The following LPP variants were observed in gnomAD, a reference collection of about 807,000 sequenced individuals.
LPP encodes the protein lipoma-preferred partner.
A neutral mutation model predicts 60.4 loss-of-function variants in LPP; 38 were observed. That is an observed-to-expected ratio of 0.63 (90% CI 0.49 to 0.83). The LOEUF is 0.83. Ranked by LOEUF, LPP falls within the 40% of genes least tolerant of loss-of-function variation. The pLI, the probability that LPP is intolerant of heterozygous loss-of-function variation, is 0.00. For synonymous variants in LPP, 328 were observed against 290.8 expected, an observed-to-expected ratio of 1.13 and a Z score of -1.30; for missense variants, 902 against 783.6, an observed-to-expected ratio of 1.15 and a Z score of -1.80.
chr3:188,870,681 G>A (rs939478880), intron 10 of LPP, among the ~76,000 whole-genome samples: 26 of 152,136 alleles, frequency 1.7e-4, no homozygotes, highest in African/African-American at 5.3e-4. Context: ...TTACTTTTAC[G>A]ATTATTGTCC....
intron 2 of LPP, among the ~76,000 whole-genome samples, chr3:188,287,671 C>G (rs994458110): frequency 6.6e-6 from 1 of 152,118 alleles, no homozygotes; most frequent in Non-Finnish European, 1.5e-5. Flanking sequence ...TTGCTTCATT[C>G]TTTATGTAGT....
intron 2 of LPP, among the ~76,000 whole-genome samples, chr3:188,258,059 A>G (rs1193558290): frequency 6.6e-6 from 1 of 152,234 alleles, no homozygotes; most frequent in Admixed American, 6.5e-5. Flanking sequence ...GATGCTCATG[A>G]CACTTCTGTG....
At position 188,884,505 on chromosome 3, in the gene LPP, T is replaced by C. The variant is rs1191505754; in HGVS notation, c.*10026T>C. Reference sequence around the variant, plus strand: ...TCTAGGTATTCTGTCTGATCAGCACTGTGAGGAAGTTGGTGGGAAAAGGCC... The same window carrying C: ...TCTAGGTATTCTGTCTGATCAGCACCGTGAGGAAGTTGGTGGGAAAAGGCC... On this transcript the variant is annotated 3_prime_UTR_variant, in exon 12 of 12. Transcript: ENST00000617246. 2.6e-5 allele frequency: 6 copies of C among 229,216 alleles called. No homozygotes were observed. The East Asian group carries it at 3.1e-4, about 12-fold the overall frequency. The allele number at this position is 229,216 out of a possible 1,614,324, so 14.2% of individuals were successfully genotyped here. A position where few individuals can be genotyped will look rare whatever the true frequency, so the allele number is the denominator to read the frequency against.
intron 5 of LPP, among the ~76,000 whole-genome samples, chr3:188,508,572 T>G (rs1814249623): frequency 6.6e-6 from 1 of 152,218 alleles, no homozygotes; most frequent in African/African-American, 2.4e-5. Context: ...TGCCAACTTA[T>G]AGTTGATTTA....
intron 2 of LPP, among the ~76,000 whole-genome samples, chr3:188,293,308 C>T (rs560166521): frequency 6.9e-4 from 105 of 152,214 alleles, no homozygotes; most frequent in Non-Finnish European, 1.0e-3. Context: ...TCTAAGCCTG[C>T]CCGCCTGGGG....
intron 7 of LPP, among the ~76,000 whole-genome samples, chr3:188,630,655 G>C (rs1470614376): frequency 6.6e-6 from 1 of 152,102 alleles, no homozygotes; most frequent in African/African-American, 2.4e-5. Flanking sequence ...TATTAAGTTG[G>C]TGCAAAAGTA....
intron 5 of LPP, among the ~76,000 whole-genome samples, chr3:188,485,791 C>T (rs1188686949): frequency 8.0e-3 from 20 of 2,510 alleles, no homozygotes; most frequent in South Asian, 0.059. Context: ...AGCGAGACTC[C>T]GTCTCAAAAA....
chr3:188,294,266 G>A (rs1467918449), intron 2 of LPP, among the ~76,000 whole-genome samples: 1 of 152,012 alleles, frequency 6.6e-6, no homozygotes, highest in African/African-American at 2.4e-5. Flanking sequence ...TCTTTATATG[G>A]TGGTGATGAT....
At chr3:188,809,343 A>G (rs1205684829) in intron 9 of LPP, among the ~76,000 whole-genome samples, 1 of 151,940 alleles carries the variant, frequency 6.6e-6, no homozygotes, top group African/African-American at 2.4e-5. Flanking sequence ...TGGCCAGCAT[A>G]TATTGTTTCT....
At chr3:188,479,597 T>G (rs1350328176) in intron 4 of LPP, among the ~76,000 whole-genome samples, 2 of 152,184 alleles carry the variant, frequency 1.3e-5, no homozygotes, top group African/African-American at 4.8e-5. Context: ...TGACTAGAGA[T>G]GGGCATATAA....
chr3:188,737,513 G>T (rs114791626), intron 8 of LPP, among the ~76,000 whole-genome samples: 69 of 152,186 alleles, frequency 4.5e-4, no homozygotes, highest in Non-Finnish European at 7.6e-4. Flanking sequence ...TGTTGTTGTT[G>T]TTCTTTTACT....
rs550649737 is a variant in LPP, at chr3:188,159,660, TG to T, written c.-190+5413del. 3.3e-4 allele frequency among the ~76,000 whole-genome samples: 50 copies of T among 152,220 alleles called. 1 individual carries two copies. In the South Asian group the frequency reaches 8.7e-3, roughly 26 times the overall value. On this transcript the variant is annotated intron_variant, in intron 1 of 11. Coordinates refer to ENST00000617246, the MANE Select transcript of LPP (RefSeq NM_001375462.1). Reference sequence around the variant, plus strand: ...CACTGCAGCCACAGGATAGCAATCATGGGGGAGCGGGACTGTTTTTACTGCC... The same window carrying T: ...CACTGCAGCCACAGGATAGCAATCATGGGGAGCGGGACTGTTTTTACTGCC...
rs74389616 is a variant in LPP at position 188,596,902 on chromosome 3, TAGAAACTCTTG to T, written c.430-12258_430-12248del. ...CTTTTACTGAAGTCCGTGAATATGTTAGAAACTCTTGTATGAAAATACAGCAACCCAATTTG... is the reference window on the plus strand; with the variant it reads ...CTTTTACTGAAGTCCGTGAATATGTTTATGAAAATACAGCAACCCAATTTG... On this transcript the variant is annotated intron_variant, in intron 6 of 11. Transcript: ENST00000617246. 2.4e-3 allele frequency among the ~76,000 whole-genome samples: 367 copies of T among 152,316 alleles called. 1 individual carries two copies. The highest frequency in any genetic ancestry group is 0.01 in the Middle Eastern group (3 of 294).
At chr3:188,497,880 G>A (rs901612031) in intron 5 of LPP, among the ~76,000 whole-genome samples, 3 of 152,116 alleles carry the variant, frequency 2.0e-5, no homozygotes, top group Admixed American at 6.5e-5. Context: ...ATAGAAACCA[G>A]TTTTGGGCCA....
At chr3:188,355,253 C>T (rs550271358) in intron 3 of LPP, among the ~76,000 whole-genome samples, 185 of 152,220 alleles carry the variant, frequency 1.2e-3, no homozygotes, top group Non-Finnish European at 1.4e-3. Flanking sequence ...GTGTTCTACC[C>T]GCCTCGGCCT....
intron 9 of LPP, among the ~76,000 whole-genome samples, chr3:188,812,722 A>G (rs534863674): frequency 1.3e-5 from 2 of 151,848 alleles, no homozygotes; most frequent in African/African-American, 2.4e-5. Context: ...TTCCTGGGTA[A>G]TTTTTGAGAT....
chr3:188,708,310 C>T lies in LPP; in HGVS notation c.1157C>T (p.Ser386Leu). The change falls in exon 8 of 12, where the codon TCA becomes TTA. Residue 386 changes from serine to leucine, a missense_variant. By Grantham distance (145) the Ser-to-Leu change is moderately radical. Coordinates refer to ENST00000617246, the MANE Select transcript of LPP (RefSeq NM_001375462.1). Reference protein sequence around the residue: ...GQLGPSSVAPSFRPEDELEHL... With the variant: ...GQLGPSSVAPLFRPEDELEHL... ...CTGGGGCCTTCGTCAGTTGCCCCTT[C>T]ATTCCGCCCAGAGGATGAGCTTGAG... 1.9e-6 allele frequency: 3 copies of T among 1,614,202 alleles called. No homozygotes were observed. Among genetic ancestry groups the T allele is most frequent in the African/African-American group, 1.3e-5 (1 of 75,058 alleles).
chr3:188,693,180 T>C (rs1862483054), intron 7 of LPP, among the ~76,000 whole-genome samples: 1 of 152,196 alleles, frequency 6.6e-6, no homozygotes, highest in Non-Finnish European at 1.5e-5. Context: ...GTTTAGTGAT[T>C]AGAACTTGGG....
At chr3:188,237,319 G>A (rs956193914) in intron 2 of LPP, among the ~76,000 whole-genome samples, 5 of 152,074 alleles carry the variant, frequency 3.3e-5, no homozygotes, top group African/African-American at 1.2e-4. Context: ...CACCCATGAG[G>A]ATTGGAATAA....
Sources: allele counts gnomAD v4.1 joint callset (sites outside exome capture counted in the v4.1 genomes callset), GRCh38; gene constraint gnomAD v4.1.1; transcripts MANE v1.5; gene names NCBI Gene and HGNC (gene_info 2026-07-23, HGNC 2026-07-21).